Variants in ANAPC7 observed in about 807,000 individuals in gnomAD.
ANAPC7 encodes anaphase promoting complex subunit 7.
ANAPC7 carries 25 observed loss-of-function variants against 63.3 expected under a neutral mutation model. The observed-to-expected ratio is 0.39, with a 90% CI of 0.29 to 0.55. The LOEUF (loss-of-function observed/expected upper bound fraction) is 0.55, where lower values mean the gene tolerates loss of function less well. ANAPC7 is among the 20% of genes least tolerant of loss of function. The probability of loss-of-function intolerance (pLI) is 0.57; values close to 1 mark genes in which losing one functional copy is unlikely to be tolerated. For missense variants in ANAPC7, 516 were observed against 691.7 expected (o/e 0.75, Z 2.85); for synonymous variants, 241 against 251.7 (o/e 0.96, Z 0.40).
rs147001395 is a variant in ANAPC7, at chr12:110,389,959, A to C, written c.409-1336T>G. On this transcript the variant is annotated intron_variant, in intron 3 of 10. Coordinates refer to ENST00000455511, the MANE Select transcript of ANAPC7 (RefSeq NM_016238.3). ...AAAACAACAAAAAAAACCCACAAAA[A>C]CAAAAAAAAAGCCAGAAAATCTAAA... Among the ~76,000 whole-genome samples the C allele has an allele frequency of 5.9e-3, 891 of 152,132 alleles. 21 individuals carry two copies. The highest frequency in any genetic ancestry group is 0.048 in the Admixed American group (730 of 15,258).
chr12:110,396,454 T>C lies in ANAPC7; in HGVS notation c.102-2A>G. ...TTCTGAGGTGGGGAGAATAACTCAC[T>C]AGAAAACAAGAGAAAATGTAATACA... On this transcript the variant is annotated splice_acceptor_variant, in intron 1 of 10. Coordinates refer to ENST00000455511, the MANE Select transcript of ANAPC7 (RefSeq NM_016238.3). LOFTEE classifies it high-confidence loss of function. 6.3e-7 allele frequency: 1 copy of C among 1,590,818 alleles called. No homozygotes were observed. The highest frequency in any genetic ancestry group is 8.5e-7 in the Non-Finnish European group (1 of 1,172,040).
intron 1 of ANAPC7, among the ~76,000 whole-genome samples, chr12:110,397,549 T>G (rs1442972026): frequency 1.6e-5 from 2 of 125,802 alleles, no homozygotes; most frequent in Admixed American, 1.6e-4. Flanking sequence ...CAGAGCGAGA[T>G]CTCGTCTCAA....
At chr12:110,375,815 C>A in intron 10 of ANAPC7, 1 of 1,166,618 alleles carries the variant, frequency 8.6e-7, no homozygotes, top group Non-Finnish European at 1.1e-6. Flanking sequence ...ATGAGCTATA[C>A]AAATGAACAC....
intron 8 of ANAPC7, among the ~76,000 whole-genome samples, chr12:110,379,735 G>T (rs527323085): frequency 5.3e-5 from 8 of 152,106 alleles, no homozygotes; most frequent in Admixed American, 2.0e-4. Context: ...CCTGTTAAGA[G>T]CAAATCACTC....
chr12:110,383,205 G>C (rs1882107298), intron 6 of ANAPC7: 1 of 363,970 alleles, frequency 2.7e-6, no homozygotes, highest in African/African-American at 2.1e-5. Context: ...TTAAGAAGCC[G>C]AGGCAGGTGG....
intron 3 of ANAPC7, 37 bp from the exon 4 acceptor site, chr12:110,388,660 T>C: frequency 7.0e-7 from 1 of 1,433,564 alleles, no homozygotes; most frequent in Non-Finnish European, 9.7e-7. Flanking sequence ...AAAATAAGCG[T>C]ATATTGCAAA....
At chr12:110,387,353 C>CAG (rs796290045) in intron 5 of ANAPC7, 13,461 of 39,272 alleles carry the variant, frequency 0.34, 2,323 homozygotes, top group East Asian at 0.56. Context: ...GAGAGAGAGA[C>CAG]AGAGAGAGAG....
At chr12:110,382,441 TAAAAAAAAAAA>T (rs137996217) in intron 7 of ANAPC7, among the ~76,000 whole-genome samples, 56 of 53,034 alleles carry the variant, frequency 1.1e-3, no homozygotes, top group African/African-American at 3.4e-3. Flanking sequence ...ATTATCCTTT[TAAAAAAAAAAA>T]AAAAAAAAAA....
intron 6 of ANAPC7, among the ~76,000 whole-genome samples, chr12:110,384,205 CATAAA>C (rs901495326): frequency 2.0e-5 from 3 of 150,540 alleles, no homozygotes; most frequent in Non-Finnish European, 4.4e-5. Flanking sequence ...ATGTCTAAAA[CATAAA>C]ATAAAATAAA....
chr12:110,396,495 C>T, intron 1 of ANAPC7, 43 bp from the exon 2 acceptor site: 2 of 1,446,864 alleles, frequency 1.4e-6, no homozygotes, highest in South Asian at 2.5e-5. Flanking sequence ...TCCTCCCTTT[C>T]AATCCAAGCT....
intron 3 of ANAPC7, among the ~76,000 whole-genome samples, chr12:110,393,166 A>G (rs1449794224): frequency 6.6e-6 from 1 of 152,160 alleles, no homozygotes; most frequent in Non-Finnish European, 1.5e-5. Flanking sequence ...AAACACAAAG[A>G]CATATTCTAC....
At chr12:110,401,367 C>G (rs1017319441) in intron 1 of ANAPC7, among the ~76,000 whole-genome samples, 1 of 152,134 alleles carries the variant, frequency 6.6e-6, no homozygotes, top group Non-Finnish European at 1.5e-5. Flanking sequence ...TCAACACACT[C>G]AATAAGCATG....
intron 9 of ANAPC7, among the ~76,000 whole-genome samples, chr12:110,376,605 TATA>T (rs549980027): frequency 3.4e-5 from 5 of 145,422 alleles, no homozygotes; most frequent in Admixed American, 2.1e-4. Context: ...CAGTTTGAAT[TATA>T]ATGTTTTAAA....
intron 3 of ANAPC7, among the ~76,000 whole-genome samples, chr12:110,392,488 C>T (rs1003342129): frequency 5.3e-5 from 8 of 152,094 alleles, no homozygotes; most frequent in Non-Finnish European, 1.0e-4. Context: ...CTTTTAAAGG[C>T]AGGAGGATGC....
chr12:110,383,021 A>G, intron 6 of ANAPC7, 61 bp from the exon 7 acceptor site: 1 of 1,326,994 alleles, frequency 7.5e-7, no homozygotes, highest in Non-Finnish European at 1.1e-6. Flanking sequence ...GGTCCCACAT[A>G]CAGGAGTAGC....
rs760193445 is a variant in ANAPC7 at position 110,380,902 on chromosome 12, C to T, written c.1132+850G>A. Among the ~76,000 whole-genome samples the T allele has an allele frequency of 1.4e-3, 210 of 151,956 alleles. 2 individuals are homozygous for T. Among genetic ancestry groups the T allele is most frequent in the Non-Finnish European group, 2.4e-3 (164 of 67,976 alleles). ...GCAGTGAGCCGAGATCATGCCACTGCACTCCAGCCTGGGCAACAAAGCGAG... is the reference window on the plus strand; with the variant it reads ...GCAGTGAGCCGAGATCATGCCACTGTACTCCAGCCTGGGCAACAAAGCGAG... On this transcript the variant is annotated intron_variant, in intron 8 of 10. Transcript: ENST00000455511.
chr12:110,398,470 G>C (rs1300508522), intron 1 of ANAPC7, among the ~76,000 whole-genome samples: 1 of 151,982 alleles, frequency 6.6e-6, no homozygotes, highest in Non-Finnish European at 1.5e-5. Flanking sequence ...ACCTCCTGGA[G>C]TCTCAGGGAT....
In ANAPC7 at chr12:110,395,161, T is replaced by C. The variant is rs1182948924; in HGVS notation, c.348A>G (p.Lys116=). The change falls in exon 3 of 11, where the codon AAA becomes AAG. Residue 116 remains lysine (K), a synonymous_variant. Transcript: ENST00000455511. The part of the protein sequence containing the change: ...YKMAECYTML[K]QDKDAIAILD... Reference sequence around the variant, plus strand: ...GTATAGCAATGGCATCTTTATCTTGTTTTAGCATTGTATAACATTCAGCCA... The same window carrying C: ...GTATAGCAATGGCATCTTTATCTTGCTTTAGCATTGTATAACATTCAGCCA... 4 of 1,613,800 alleles carry C rather than the reference T, an allele frequency of 2.5e-6. No homozygotes were observed. The highest frequency in any genetic ancestry group is 3.4e-6 in the Non-Finnish European group (4 of 1,179,850).
Position 110,403,565 on chromosome 12 carries a change from G to C in ANAPC7, c.63C>G (p.Leu21=). 6.2e-7 allele frequency: 1 copy of C among 1,608,142 alleles called. No individual in the cohort carries two copies. The highest frequency in any genetic ancestry group is 8.5e-7 in the Non-Finnish European group (1 of 1,177,848). ...TCATTGTAAGTAACAAGCTGCTGAG[G>C]AGCCGCACGTTGGAGTGCAGCCCCG... The part of the protein sequence containing the change: ...AAAGLHSNVR[L]LSSLLLTMSN... Residue 21 remains leucine (L), a synonymous_variant, in exon 1 of 11, where the codon CTC becomes CTG. Coordinates refer to ENST00000455511, the MANE Select transcript of ANAPC7 (RefSeq NM_016238.3).
Sources: allele counts gnomAD v4.1 joint callset (sites outside exome capture counted in the v4.1 genomes callset), GRCh38; gene constraint gnomAD v4.1.1; transcripts MANE v1.5; gene names NCBI Gene and HGNC (gene_info 2026-07-23, HGNC 2026-07-21).